The following MYO10 variants were observed in gnomAD, a reference collection of about 807,000 sequenced individuals.
MYO10 encodes unconventional myosin-X.
MYO10 carries 133 observed loss-of-function variants against 257.3 expected under a neutral mutation model. The ratio of observed to expected loss-of-function variants is 0.52; its 90% CI spans 0.45 to 0.60. The LOEUF is 0.60. Among genes scored for constraint, MYO10 ranks in the 20% least tolerant of loss-of-function variants. The pLI, the probability that MYO10 is intolerant of heterozygous loss-of-function variation, is 0.00. For missense variants in MYO10, 2,399 were observed against 2,635.7 expected, an observed-to-expected ratio of 0.91 and a Z score of 1.97; for synonymous variants, 1,104 against 1,028.6, an observed-to-expected ratio of 1.07 and a Z score of -1.40.
rs953393930 is a variant in MYO10, at chr5:16,935,891, G to A, written c.-83C>T. The A allele has an allele frequency of 2.8e-5, 44 of 1,549,388 alleles. No individual in the cohort carries two copies. The highest frequency in any genetic ancestry group is 3.6e-5 in the Non-Finnish European group (41 of 1,139,256). On this transcript the variant is annotated 5_prime_UTR_variant, in exon 1 of 41. The change creates a new upstream start codon in the 5' untranslated region. Coordinates refer to ENST00000513610, the MANE Select transcript of MYO10 (RefSeq NM_012334.3). ...CGCCGCGGGTCCGGGGAAACCATGCGTGTCACGGCGCCACTCCCGAGGACG... is the reference window on the plus strand; with the variant it reads ...CGCCGCGGGTCCGGGGAAACCATGCATGTCACGGCGCCACTCCCGAGGACG...
At chr5:16,923,555 G>A (rs995663342) in intron 1 of MYO10, among the ~76,000 whole-genome samples, 2 of 150,888 alleles carry the variant, frequency 1.3e-5, no homozygotes, top group Admixed American at 1.3e-4. Flanking sequence ...CCAAAGTGCT[G>A]GGATCACAGG....
intron 1 of MYO10, among the ~76,000 whole-genome samples, chr5:16,934,294 G>A (rs1207477817): frequency 3.9e-5 from 6 of 152,244 alleles, no homozygotes; most frequent in Non-Finnish European, 7.3e-5. Flanking sequence ...CAGGCTACAG[G>A]AGGAGTGAGA....
intron 1 of MYO10, among the ~76,000 whole-genome samples, chr5:16,929,114 G>A (rs1442844785): frequency 2.0e-5 from 3 of 151,456 alleles, no homozygotes; most frequent in Admixed American, 6.6e-5. Flanking sequence ...CACCATGCCC[G>A]GCTCATTTTT....
At chr5:16,819,935 C>T (rs968260646) in intron 2 of MYO10, among the ~76,000 whole-genome samples, 1 of 152,194 alleles carries the variant, frequency 6.6e-6, no homozygotes, top group Non-Finnish European at 1.5e-5. Context: ...GGGACCCACC[C>T]GTCTCTTATG....
At chr5:16,747,947 G>GAAAAAA (rs1216946177) in intron 19 of MYO10, among the ~76,000 whole-genome samples, 1 of 81,636 alleles carries the variant, frequency 1.2e-5, no homozygotes, top group Non-Finnish European at 2.5e-5. Context: ...AAAAAAAAAA[G>GAAAAAA]AAAAAAAAAA....
chr5:16,729,703 CA>C (rs955111873), intron 19 of MYO10, among the ~76,000 whole-genome samples: 1 of 152,148 alleles, frequency 6.6e-6, no homozygotes, highest in Non-Finnish European at 1.5e-5. Flanking sequence ...CTCGGCCTCC[CA>C]AAGTGCTGGG....
chr5:16,689,995 G>T, intron 27 of MYO10, 76 bp from the exon 28 acceptor site: 1 of 1,056,630 alleles, frequency 9.5e-7, no homozygotes, highest in Non-Finnish European at 1.5e-6. Context: ...AACTAATGAA[G>T]CCAATGACTA....
intron 1 of MYO10, among the ~76,000 whole-genome samples, chr5:16,893,648 A>AAAAG (rs1554006832): frequency 0.023 from 3,439 of 146,792 alleles, 162 homozygotes; most frequent in African/African-American, 0.084. Flanking sequence ...AAAAAAAAAA[A>AAAAG]AAAAGAAAAT....
chr5:16,754,760 TGAGTAACCACCCCAG>T (rs1320914516), intron 19 of MYO10, 53 bp downstream of exon 19: 2 of 1,195,698 alleles, frequency 1.7e-6, no homozygotes, highest in Non-Finnish European at 2.3e-6. Context: ...ACCAAATCTG[TGAGTAACCACCCCAG>T]GAGGCTGTGT....
chr5:16,766,002 C>A, intron 11 of MYO10, 78 bp downstream of exon 11: 1 of 952,992 alleles, frequency 1.0e-6, no homozygotes, highest in African/African-American at 1.6e-5. Context: ...ATTATAATTA[C>A]ATATTTCAAT....
rs567241442 is a variant in MYO10 at position 16,701,141 on chromosome 5, G to T, written c.3254C>A (p.Pro1085Gln). 1.9e-6 allele frequency: 3 copies of T among 1,601,240 alleles called. No individual in the cohort carries two copies. Among genetic ancestry groups the T allele is most frequent in the African/African-American group, 2.7e-5 (2 of 74,878 alleles). The change falls in exon 25 of 41, where the codon CCA becomes CAA. Residue 1085 changes from proline (P) to glutamine (Q), a missense_variant. This residue lies in a region of MYO10 where 1,820 missense variants were observed against 1,939.4 expected (regional missense o/e 0.94). Coordinates refer to ENST00000513610, the MANE Select transcript of MYO10 (RefSeq NM_012334.3). This position sits in a 1 kb window ranked among gnomAD's most constrained non-coding sequence, Gnocchi z 8.1. ...MPQNAGDLPS[P>Q]DGDYDYDQDD... Reference sequence around the variant, plus strand: ...CTGGTCGTAGTCGTAGTCGCCGTCTGGGGAGGGCAAGTCCCCAGCGTTCTG... The same window carrying T: ...CTGGTCGTAGTCGTAGTCGCCGTCTTGGGAGGGCAAGTCCCCAGCGTTCTG...
chr5:16,701,808 C>A lies in MYO10; in HGVS notation c.2587G>T (p.Glu863Ter). The stretch of plus-strand genomic sequence containing the variant: ...TCCTTCTGGCTCTTCTGCAAGGCTT[C>A]GAGTTCTTGCTGCTTCCTCGTTTCT... ...EEETRKQQEL[E>*]ALQKSQKEAE... Residue 863 changes from glutamate to a stop codon, truncating the protein, a stop_gained, in exon 25 of 41, where the codon GAA becomes TAA. Transcript: ENST00000513610. LOFTEE classifies it high-confidence loss of function. This position sits in a 1 kb window ranked among gnomAD's most constrained non-coding sequence, Gnocchi z 8.1. 6.2e-7 allele frequency: 1 copy of A among 1,607,186 alleles called. No individual in the cohort carries two copies. The highest frequency in any genetic ancestry group is 8.5e-7 in the Non-Finnish European group (1 of 1,177,804).
At chr5:16,882,389 A>G (rs1044786082) in intron 1 of MYO10, among the ~76,000 whole-genome samples, 1 of 152,190 alleles carries the variant, frequency 6.6e-6, no homozygotes, top group African/African-American at 2.4e-5. Context: ...CTTATCATAT[A>G]TGTCCCAACA....
In MYO10 at chr5:16,900,222, A is replaced by T. The variant is rs185705049; in HGVS notation, c.22-22515T>A. Among the ~76,000 whole-genome samples the T allele has an allele frequency of 3.9e-5, 6 of 152,316 alleles. No individual in the cohort carries two copies. The East Asian group carries it at 1.2e-3, about 29-fold the overall frequency. The stretch of plus-strand genomic sequence containing the variant: ...TTATTGGTCGTTCAGAGTTAAGACA[A>T]ATAAAACTAGACAATTAATTATATG... On this transcript the variant is annotated intron_variant, in intron 1 of 40. Transcript: ENST00000513610.
Position 16,701,791 on chromosome 5 carries a change from G to A in MYO10, c.2604C>T (p.Ser868=). The A allele has an allele frequency of 6.2e-7, 1 of 1,612,778 alleles. No individual in the cohort carries two copies. The highest frequency in any genetic ancestry group is 1.1e-5 in the South Asian group (1 of 90,856). Residue 868 remains serine (S), a synonymous_variant, in exon 25 of 41, where the codon AGC becomes AGT. Coordinates refer to ENST00000513610, the MANE Select transcript of MYO10 (RefSeq NM_012334.3). This position sits in a 1 kb window ranked among gnomAD's most constrained non-coding sequence, Gnocchi z 8.1. ...CACGGGTCAGTTCAGCTTCCTTCTG[G>A]CTCTTCTGCAAGGCTTCGAGTTCTT... The part of the protein sequence containing the change: ...KQQELEALQK[S]QKEAELTREL...
At chr5:16,832,379 T>C (rs780827447) in intron 2 of MYO10, among the ~76,000 whole-genome samples, 2 of 152,192 alleles carry the variant, frequency 1.3e-5, no homozygotes, top group African/African-American at 4.8e-5. Flanking sequence ...AGGGGTTTAA[T>C]ACATTTTTAT....
intron 4 of MYO10, among the ~76,000 whole-genome samples, chr5:16,786,063 C>T (rs949538935): frequency 2.0e-5 from 3 of 151,542 alleles, no homozygotes; most frequent in African/African-American, 7.3e-5. Context: ...AGAGATGGTA[C>T]ATCTCCCAAG....
At chr5:16,747,918 C>CAAAAAAA (rs777257950) in intron 19 of MYO10, among the ~76,000 whole-genome samples, 45 of 30,444 alleles carry the variant, frequency 1.5e-3, no homozygotes, top group Non-Finnish European at 8.3e-3. Context: ...AACTCCGTCT[C>CAAAAAAA]AAAAAAAAAA....
In MYO10 at chr5:16,701,994, G is replaced by T. The variant is rs555672452; in HGVS notation, c.2557-156C>A. 9.2e-5 allele frequency among the ~76,000 whole-genome samples: 14 copies of T among 152,328 alleles called. No individual in the cohort carries two copies. In the East Asian group the frequency reaches 2.1e-3, roughly 23 times the overall value. On this transcript the variant is annotated intron_variant, in intron 24 of 40. Coordinates refer to ENST00000513610, the MANE Select transcript of MYO10 (RefSeq NM_012334.3). This position sits in a 1 kb window ranked among gnomAD's most constrained non-coding sequence, Gnocchi z 8.1. ...AGTCCTAACCCCAATACTGCAGAAT[G>T]TGACTGCATTTGGAGATACAGCTTT...
Sources: gnomAD v4.1 joint callset for allele counts (sites outside exome capture counted in the v4.1 genomes callset) on GRCh38, gnomAD v4.1.1 for gene constraint, gnomAD v4.1.1 regional missense constraint, Gnocchi (gnomAD v3.1) non-coding constraint, MANE v1.5 for transcripts, NCBI Gene and HGNC (gene_info 2026-07-23, HGNC 2026-07-21) for gene names.